The following PARVG variants were observed in gnomAD, a reference collection of about 807,000 sequenced individuals.
The protein encoded by PARVG is gamma-parvin.
PARVG carries 36 observed loss-of-function variants against 44.4 expected under a neutral mutation model. The ratio of observed to expected loss-of-function variants is 0.81; its 90% CI spans 0.62 to 1.07. PARVG has a LOEUF of 1.07. Among genes scored for constraint, PARVG ranks in the 50% least tolerant of loss-of-function variants. PARVG has a pLI of 0.00. For synonymous variants in PARVG, 170 were observed against 174.1 expected (o/e 0.98, Z 0.19); for missense variants, 407 against 407.4 (o/e 1.00, Z 0.01).
intron 5 of PARVG, 200 bp downstream of exon 5, chr22:44,188,078 G>A (rs2054499387): frequency 1.6e-6 from 1 of 611,292 alleles, no homozygotes; most frequent in South Asian, 1.9e-5. Context: ...GCCGAGCTGG[G>A]GCTCAGGGTG....
intron 12 of PARVG, among the ~76,000 whole-genome samples, chr22:44,204,272 C>T (rs2054749628): frequency 6.6e-6 from 1 of 152,220 alleles, no homozygotes; most frequent in South Asian, 2.1e-4. Context: ...AAGGACTCTG[C>T]TCACCCACTT....
At chr22:44,178,580 G>A (rs918908285), upstream of PARVG, among the ~76,000 whole-genome samples, 1 of 152,160 alleles carries the variant, frequency 6.6e-6, no homozygotes, top group Non-Finnish European at 1.5e-5. Context: ...AAAGAAGCAG[G>A]AAACTGTGAC....
rs141713437 is a variant in PARVG at position 44,206,401 on chromosome 22, G to A, written c.971G>A (p.Arg324Lys). ...CACACGCAGAAGGCACACAGGGACAGGACGCCCCATGGAGCCCCGAATTGA... is the reference window on the plus strand; with the variant it reads ...CACACGCAGAAGGCACACAGGGACAAGACGCCCCATGGAGCCCCGAATTGA... Reference protein sequence around the residue: ...CKHTQKAHRDRTPHGAPN With the variant: ...CKHTQKAHRDKTPHGAPN Residue 324 changes from arginine to lysine, a missense_variant, in exon 14 of 14, where the codon AGG becomes AAG. Transcript: ENST00000444313. The A allele has an allele frequency of 2.0e-4, 322 of 1,613,936 alleles. 2 individuals carry two copies. In the African/African-American group the frequency reaches 4.0e-3, roughly 20 times the overall value.
intron 12 of PARVG, among the ~76,000 whole-genome samples, chr22:44,202,480 C>T (rs1233940195): frequency 6.6e-6 from 1 of 152,238 alleles, no homozygotes. Context: ...CGGGAACAAA[C>T]GTGCAGACTT....
upstream of PARVG, among the ~76,000 whole-genome samples, chr22:44,177,187 T>C (rs2054326918): frequency 6.6e-6 from 1 of 152,220 alleles, no homozygotes; most frequent in East Asian, 1.9e-4. Context: ...GATATAATAA[T>C]AATGATATAT....
chr22:44,174,628 C>T (rs1020001367), intron 1 of PARVG, among the ~76,000 whole-genome samples: 3 of 150,888 alleles, frequency 2.0e-5, no homozygotes, highest in African/African-American at 7.3e-5. Context: ...CCCAGCTACT[C>T]GGGAGTCTAA....
chr22:44,193,037 A>G (rs1458789733), intron 8 of PARVG, among the ~76,000 whole-genome samples: 1 of 152,176 alleles, frequency 6.6e-6, no homozygotes, highest in Admixed American at 6.5e-5. Context: ...TGGACAGCAC[A>G]TGGTGTCTGT....
Position 44,185,861 on chromosome 22 carries a change from G to A in PARVG, c.133G>A (p.Glu45Lys), listed in dbSNP as rs752712040. 3.7e-6 allele frequency: 6 copies of A among 1,613,466 alleles called. No homozygotes were observed. Among genetic ancestry groups the A allele is most frequent in the Non-Finnish European group, 3.4e-6 (4 of 1,179,588 alleles). ...TTCCCGGAAGGACCCCAAATTTGAA[G>A]AACTGCAGAAGGTACAGCAGCCTCC... ...PTSRKDPKFE[E>K]LQKVLMEWIN... Residue 45 changes from glutamate (E) to lysine (K), a missense_variant, in exon 4 of 14, where the codon GAA becomes AAA. Coordinates refer to ENST00000444313, the MANE Select transcript of PARVG (RefSeq NM_022141.7).
At chr22:44,175,638 T>G (rs1386146907) in intron 1 of PARVG, among the ~76,000 whole-genome samples, 1 of 150,250 alleles carries the variant, frequency 6.7e-6, no homozygotes, top group Non-Finnish European at 1.5e-5. Flanking sequence ...ATTCATTGGG[T>G]CAGTGAGTAG....
At chr22:44,178,862 C>T (rs1469039892), upstream of PARVG, among the ~76,000 whole-genome samples, 1 of 151,882 alleles carries the variant, frequency 6.6e-6, no homozygotes, top group African/African-American at 2.4e-5. Flanking sequence ...ATTAGAAAAC[C>T]TTCTATCAAT....
At chr22:44,203,555 G>T (rs2054738092) in intron 12 of PARVG, among the ~76,000 whole-genome samples, 1 of 152,204 alleles carries the variant, frequency 6.6e-6, no homozygotes, top group African/African-American at 2.4e-5. Context: ...GGAGCTTTGA[G>T]GCAGGAGAGC....
chr22:44,192,637 C>T (rs1384124692), intron 8 of PARVG, among the ~76,000 whole-genome samples: 1 of 8,792 alleles, frequency 1.1e-4, no homozygotes. Context: ...CATCCTACCT[C>T]CTGCCCACTG....
At chr22:44,175,696 G>A (rs898200639) in intron 1 of PARVG, among the ~76,000 whole-genome samples, 6 of 152,158 alleles carry the variant, frequency 3.9e-5, no homozygotes, top group Admixed American at 1.3e-4. Context: ...GGGGGGTGGG[G>A]GTGTGCTAGG....
chr22:44,200,362 T>G lies in PARVG; in HGVS notation c.813+1640T>G, dbSNP rs116016001. Among the ~76,000 whole-genome samples, 352 of 152,340 alleles carry G rather than the reference T, an allele frequency of 2.3e-3. 2 individuals carry two copies. The highest frequency in any genetic ancestry group is 8.3e-3 in the African/African-American group (344 of 41,580). Reference sequence around the variant, plus strand: ...CCCTGCCTGCCTGGACCTCAGGTTTTCTGTCTCTGAAAATGGGCTGACAAT... The same window carrying G: ...CCCTGCCTGCCTGGACCTCAGGTTTGCTGTCTCTGAAAATGGGCTGACAAT... On this transcript the variant is annotated intron_variant, in intron 12 of 13. Coordinates refer to ENST00000444313, the MANE Select transcript of PARVG (RefSeq NM_022141.7).
At chr22:44,180,890 A>T (rs2054365458), upstream of PARVG, 2 of 985,150 alleles carry the variant, frequency 2.0e-6, no homozygotes, top group Admixed American at 6.2e-5. Context: ...GTTGCTAGGG[A>T]AACTCACCAT....
chr22:44,189,010 A>G, intron 5 of PARVG, 104 bp from the exon 6 acceptor site: 1 of 1,488,650 alleles, frequency 6.7e-7, no homozygotes, highest in Non-Finnish European at 9.2e-7. Flanking sequence ...CTCCAGACCC[A>G]TGTTCCCTGA....
intron 4 of PARVG, chr22:44,186,943 C>T (rs2054480828): frequency 3.3e-6 from 1 of 300,162 alleles, no homozygotes; most frequent in Admixed American, 4.0e-5. Context: ...CAGCTGCTCC[C>T]TGAGAAAGGG....
intron 12 of PARVG, among the ~76,000 whole-genome samples, chr22:44,200,372 A>G (rs1284696145): frequency 6.6e-6 from 1 of 152,238 alleles, no homozygotes; most frequent in Non-Finnish European, 1.5e-5. Context: ...TCTGTCTCTG[A>G]AAATGGGCTG....
intron 12 of PARVG, among the ~76,000 whole-genome samples, chr22:44,200,461 A>G (rs1290019830): frequency 6.6e-6 from 1 of 152,172 alleles, no homozygotes; most frequent in Non-Finnish European, 1.5e-5. Flanking sequence ...GCATTGAGGG[A>G]CATGTGGTCC....
Sources: gnomAD v4.1 joint callset for allele counts (sites outside exome capture counted in the v4.1 genomes callset) on GRCh38, gnomAD v4.1.1 for gene constraint, MANE v1.5 for transcripts, NCBI Gene and HGNC (gene_info 2026-07-23, HGNC 2026-07-21) for gene names.